Variants in ZNF675 observed in about 807,000 individuals in gnomAD.
ZNF675 encodes TRAF6 inhibitory zinc finger.
ZNF675 carries 36 observed loss-of-function variants against 56.1 expected under a neutral mutation model. That is an observed-to-expected ratio of 0.64 (90% CI 0.49 to 0.85). The LOEUF is 0.85. ZNF675 is among the 40% of genes least tolerant of loss of function. The pLI is 0.00. For synonymous variants in ZNF675, 200 were observed against 218.9 expected (o/e 0.91, Z 0.76); for missense variants, 663 against 654.2 (o/e 1.01, Z -0.15).
intron 1 of ZNF675, among the ~76,000 whole-genome samples, chr19:23,684,994 T>C (rs942343163): frequency 2.5e-4 from 2 of 8,110 alleles, no homozygotes; most frequent in South Asian, 0.17. Context: ...GCAATCTTCA[T>C]GTCTCAAAGG....
chr19:23,684,154 C>T (rs1008015651), intron 1 of ZNF675, among the ~76,000 whole-genome samples: 20 of 150,806 alleles, frequency 1.3e-4, no homozygotes, highest in Non-Finnish European at 2.2e-4. Context: ...CCCAGCTACT[C>T]GGGAGGCTGA....
rs182428474 is a variant in ZNF675, at chr19:23,674,437, G to A, written c.4-11279C>T. ...GCAGGCGGATCACCTGAGGTCAGGAGTTCAAGACCAGCCTGGCCAACATGG... is the reference window on the plus strand; with the variant it reads ...GCAGGCGGATCACCTGAGGTCAGGAATTCAAGACCAGCCTGGCCAACATGG... On this transcript the variant is annotated intron_variant, in intron 1 of 3. Coordinates refer to ENST00000359788, the MANE Select transcript of ZNF675 (RefSeq NM_138330.3). 6.6e-5 allele frequency among the ~76,000 whole-genome samples: 10 copies of A among 151,424 alleles called. No homozygotes were observed. The East Asian group carries it at 1.8e-3, about 27-fold the overall frequency.
At chr19:23,654,811 A>T in intron 3 of ZNF675, 105 bp from the exon 4 acceptor site, 1 of 935,642 alleles carries the variant, frequency 1.1e-6, no homozygotes, top group East Asian at 2.6e-5. Context: ...ATGGCACCAC[A>T]GGCCATAATT....
chr19:23,679,991 C>T (rs115791867), intron 1 of ZNF675, among the ~76,000 whole-genome samples: 1 of 148,212 alleles, frequency 6.7e-6, no homozygotes, highest in Admixed American at 6.7e-5. Flanking sequence ...ACTCCGTACC[C>T]CCCCCCAAAA....
intron 3 of ZNF675, chr19:23,656,943 C>T (rs796810484): frequency 5.3e-5 from 8 of 152,002 alleles, no homozygotes; most frequent in Admixed American, 1.3e-4. Flanking sequence ...CTGAAATGTA[C>T]AGTTTTTTTG....
intron 1 of ZNF675, among the ~76,000 whole-genome samples, chr19:23,680,035 G>A (rs941820760): frequency 1.4e-4 from 21 of 149,732 alleles, no homozygotes; most frequent in African/African-American, 4.2e-4. Flanking sequence ...ATGGCCAGAC[G>A]CGGTGGCTCA....
intron 1 of ZNF675, among the ~76,000 whole-genome samples, chr19:23,679,150 G>A (rs1224155868): frequency 4.0e-5 from 5 of 124,760 alleles, no homozygotes; most frequent in African/African-American, 9.9e-5. Context: ...CTGGGCGACA[G>A]AGCGAGACTC....
At chr19:23,661,301 G>A (rs926462086) in intron 3 of ZNF675, among the ~76,000 whole-genome samples, 6 of 149,970 alleles carry the variant, frequency 4.0e-5, no homozygotes, top group Admixed American at 1.3e-4. Context: ...GTGAGCCACC[G>A]TGCCTGGCCC....
intron 1 of ZNF675, among the ~76,000 whole-genome samples, chr19:23,675,794 G>C (rs1968287103): frequency 6.6e-6 from 1 of 151,356 alleles, no homozygotes; most frequent in South Asian, 2.1e-4. Flanking sequence ...AAGAATGAGA[G>C]AAGTGAGAGC....
At chr19:23,660,580 G>A (rs932082628) in intron 3 of ZNF675, among the ~76,000 whole-genome samples, 3 of 151,800 alleles carry the variant, frequency 2.0e-5, no homozygotes, top group Non-Finnish European at 4.4e-5. Context: ...TGATAAAATA[G>A]AGAAAAAAAC....
chr19:23,686,204 C>T (rs1045600108), intron 1 of ZNF675: 1 of 152,194 alleles, frequency 6.6e-6, no homozygotes, highest in African/African-American at 2.4e-5. Context: ...CTTCAAGCTG[C>T]TCTCATAAAG....
rs1190010103 is a variant in ZNF675, at chr19:23,658,928, TACCG to T, written c.226+3182_226+3185del. ...CTATAGATAGATATAGATCTATAGA[TACCG>T]ATCTATAGATATAGATCTCTAGAGA... On this transcript the variant is annotated intron_variant, in intron 3 of 3. Transcript: ENST00000359788. 5.6e-3 allele frequency among the ~76,000 whole-genome samples: 641 copies of T among 113,762 alleles called. 3 individuals are homozygous for T. The highest frequency in any genetic ancestry group is 6.6e-3 in the African/African-American group (200 of 30,200). 74.6% of individuals were successfully genotyped at this position (113,762 alleles called of 152,430 possible). A position where few individuals can be genotyped will look rare whatever the true frequency, so the allele number is the denominator to read the frequency against.
At position 23,653,266 on chromosome 19, in the gene ZNF675, T is replaced by G; in HGVS notation, c.1667A>C (p.Lys556Thr). Residue 556 changes from lysine to threonine, a missense_variant, in exon 4 of 4, where the codon AAA becomes ACA. By Grantham distance (78) the Lys-to-Thr change is moderately conservative. Coordinates refer to ENST00000359788, the MANE Select transcript of ZNF675 (RefSeq NM_138330.3). ...NQSANLTKHK[K>T]IHTGEKLQNW... Reference sequence around the variant, plus strand: ...CTGTAGTTTCTCTCCAGTATGTATTTTTTTATGTTTAGTAAGGTTTGCAGA... The same window carrying G: ...CTGTAGTTTCTCTCCAGTATGTATTGTTTTATGTTTAGTAAGGTTTGCAGA... 2 of 1,610,596 alleles carry G rather than the reference T, an allele frequency of 1.2e-6. No homozygotes were observed. Among genetic ancestry groups the G allele is most frequent in the East Asian group, 2.2e-5 (1 of 44,794 alleles).
intron 1 of ZNF675, among the ~76,000 whole-genome samples, chr19:23,680,714 A>C (rs1968365498): frequency 6.6e-6 from 1 of 151,722 alleles, no homozygotes; most frequent in Admixed American, 6.6e-5. Flanking sequence ...AGATCGTGCC[A>C]CTGCACTCCA....
intron 1 of ZNF675, among the ~76,000 whole-genome samples, chr19:23,678,131 A>T (rs1282021641): frequency 6.6e-6 from 1 of 151,794 alleles, no homozygotes; most frequent in Non-Finnish European, 1.5e-5. Flanking sequence ...GGGGGAAAAA[A>T]AGTCAGAGAT....
intron 1 of ZNF675, among the ~76,000 whole-genome samples, chr19:23,676,603 A>C (rs547214822): frequency 4.0e-4 from 61 of 151,902 alleles, no homozygotes; most frequent in Non-Finnish European, 7.1e-4. Flanking sequence ...ACAGACAAAA[A>C]CCACAAAATT....
chr19:23,672,984 G>C (rs1477851537), intron 1 of ZNF675, among the ~76,000 whole-genome samples: 1 of 152,176 alleles, frequency 6.6e-6, no homozygotes. Context: ...AGAGTGTCCA[G>C]TGTGGCATTA....
intron 3 of ZNF675, among the ~76,000 whole-genome samples, chr19:23,660,853 AACTATGAT>A (rs1352928514): frequency 6.6e-6 from 1 of 152,200 alleles, no homozygotes; most frequent in Non-Finnish European, 1.5e-5. Flanking sequence ...ATTTAAATGA[AACTATGAT>A]ACACTTTAAA....
Position 23,653,089 on chromosome 19 carries a change from C to T in ZNF675, c.*137G>A. ...AATTCTTCACACTTGTAGTTTTCTC[C>T]AGTATGAATTATCTTACATACAATG... On this transcript the variant is annotated 3_prime_UTR_variant, in exon 4 of 4. Transcript: ENST00000359788. 1 of 810,730 alleles carries T rather than the reference C, an allele frequency of 1.2e-6. No individual in the cohort carries two copies. The highest frequency in any genetic ancestry group is 2.3e-5 in the South Asian group (1 of 44,418). The allele number at this position is 810,730 out of a possible 1,614,324, so 50.2% of individuals were successfully genotyped here.
Sources: allele counts gnomAD v4.1 joint callset (sites outside exome capture counted in the v4.1 genomes callset), GRCh38; gene constraint gnomAD v4.1.1; transcripts MANE v1.5; gene names NCBI Gene and HGNC (gene_info 2026-07-23, HGNC 2026-07-21).